Variants in TSC2 observed in about 807,000 individuals in gnomAD.
The protein encoded by TSC2 is tuberin.
Under a neutral mutation model 202.2 loss-of-function variants are expected in TSC2, and 29 were observed. The ratio of observed to expected loss-of-function variants is 0.14; its 90% CI spans 0.11 to 0.20. The LOEUF is 0.20. Among genes scored for constraint, TSC2 ranks in the 10% least tolerant of loss-of-function variants. TSC2 has a pLI of 1.00. For missense variants in TSC2, 2,429 were observed against 2,420.0 expected (o/e 1.00, Z -0.08); for synonymous variants, 1,349 against 1,044.0 (o/e 1.29, Z -5.63).
chr16:2,077,774 G>T, intron 26 of TSC2, 48 bp downstream of exon 26: 1 of 1,606,224 alleles, frequency 6.2e-7, no homozygotes, highest in East Asian at 2.2e-5. Flanking sequence ...GCTTGGCCCC[G>T]TGAGCACCTG....
chr16:2,077,681 C>T lies in TSC2; in HGVS notation c.2921C>T (p.Ala974Val), dbSNP rs1289330733. Reference protein sequence around the residue: ...KEFKESSAAEAFRCRSISVSE... With the variant: ...KEFKESSAAEVFRCRSISVSE... Reference sequence around the variant, plus strand: ...TTCAAGGAGAGCTCTGCAGCCGAGGCCTTCCGGTGCCGCAGCATCAGTGTG... The same window carrying T: ...TTCAAGGAGAGCTCTGCAGCCGAGGTCTTCCGGTGCCGCAGCATCAGTGTG... Residue 974 changes from alanine to valine, a missense_variant, in exon 26 of 42, where the codon GCC (alanine) becomes GTC (valine). Coordinates refer to ENST00000219476, the MANE Select transcript of TSC2 (RefSeq NM_000548.5). 6.2e-7 allele frequency: 1 copy of T among 1,613,088 alleles called. No individual in the cohort carries two copies. Among genetic ancestry groups the T allele is most frequent in the Non-Finnish European group, 8.5e-7 (1 of 1,180,032 alleles).
chr16:2,049,516 A>G (rs1183326279), intron 2 of TSC2, among the ~76,000 whole-genome samples: 1 of 152,146 alleles, frequency 6.6e-6, no homozygotes, highest in East Asian at 1.9e-4. Context: ...ACGTTCATCA[A>G]CTGATGAATA....
rs397514914 is a variant in TSC2, at chr16:2,071,534, C to G, written c.1864C>G (p.Arg622Gly). ...LQAFDFLLLL[R>G]ADSLHRLGLP... ...GGCCTTTGACTTCCTGTTGCTGCTGCGGGCCGACTCACTGCACCGCCTGGG... is the reference window on the plus strand; with the variant it reads ...GGCCTTTGACTTCCTGTTGCTGCTGGGGGCCGACTCACTGCACCGCCTGGG... The change falls in exon 18 of 42, where the codon CGG becomes GGG. Residue 622 changes from arginine to glycine, a missense_variant. By Grantham distance (125) the Arg-to-Gly change is moderately radical (BLOSUM62 -2). Coordinates refer to ENST00000219476, the MANE Select transcript of TSC2 (RefSeq NM_000548.5). 6.2e-7 allele frequency: 1 copy of G among 1,613,620 alleles called. No individual in the cohort carries two copies. The highest frequency in any genetic ancestry group is 8.5e-7 in the Non-Finnish European group (1 of 1,180,026).
chr16:2,074,136 G>A (rs185352475), intron 21 of TSC2, 64 bp from the exon 22 acceptor site: 26 of 1,601,160 alleles, frequency 1.6e-5, no homozygotes, highest in South Asian at 1.4e-4. Context: ...CGAGGTTGGC[G>A]AGGGGTAGGC....
intron 2 of TSC2, among the ~76,000 whole-genome samples, chr16:2,050,129 G>T (rs1245899806): frequency 6.6e-6 from 1 of 151,872 alleles, no homozygotes; most frequent in East Asian, 2.0e-4. Context: ...CAAATTTTTT[G>T]TATTTTTAGT....
Position 2,079,644 on chromosome 16 carries a change from C to T in TSC2, c.3372C>T (p.Ala1124=), listed in dbSNP as rs1555510963. ...CTGGGCAGCAGGTGTCCCGTGGGGC[C>T]CGGGATCGGGTCCGTTCCATGTCGG... is the stretch of plus-strand genomic sequence containing the variant. ...SQAGQQVSRG[A]RDRVRSMSGG... Residue 1124 remains alanine, a synonymous_variant, in exon 29 of 42, where the codon GCC becomes GCT. Coordinates refer to ENST00000219476, the MANE Select transcript of TSC2 (RefSeq NM_000548.5). The surrounding 1 kb of genome is among the most constrained non-coding windows in gnomAD (Gnocchi z 4.6). 2.5e-6 allele frequency: 4 copies of T among 1,604,468 alleles called. No individual in the cohort carries two copies. The highest frequency in any genetic ancestry group is 3.4e-6 in the Non-Finnish European group (4 of 1,176,490).
chr16:2,077,577 G>T (rs1424751459), intron 25 of TSC2, 21 bp from the exon 26 acceptor site: 23 of 1,612,348 alleles, frequency 1.4e-5, no homozygotes, highest in African/African-American at 2.7e-5. Flanking sequence ...GGGGCGTTGG[G>T]GCTCCTTCCT....
intron 31 of TSC2, 52 bp from the exon 32 acceptor site, chr16:2,082,384 G>A (rs967923924): frequency 6.9e-6 from 11 of 1,599,908 alleles, no homozygotes; most frequent in Non-Finnish European, 9.4e-6. Context: ...TGCTCGACCT[G>A]TGTGTAGCCC....
chr16:2,048,940 G>A (rs916884011), intron 2 of TSC2, among the ~76,000 whole-genome samples, 187 bp downstream of exon 2: 1 of 152,160 alleles, frequency 6.6e-6, no homozygotes, highest in African/African-American at 2.4e-5. Flanking sequence ...TTGGTGACCT[G>A]GTTCAGGCAC....
At position 2,048,065 on chromosome 16, in the gene TSC2, G is replaced by GGTA; in HGVS notation, c.-30+1_-30+3dup. ...CCCGGAGCGCGGTGGCGCGGCGCGGGGTAAGTGGCGGTCCCCACGGGGCAA... is the reference window on the plus strand; with the variant it reads ...CCCGGAGCGCGGTGGCGCGGCGCGGGGTAGTAAGTGGCGGTCCCCACGGGGCAA... On this transcript the variant is annotated splice_region_variant and 5_prime_UTR_variant. Transcript: ENST00000219476. 1 of 1,427,170 alleles carries GGTA rather than the reference G, an allele frequency of 7.0e-7. No individual in the cohort carries two copies. 88.4% of individuals were successfully genotyped at this position (1,427,170 alleles called of 1,614,324 possible). A position where few individuals can be genotyped will look rare whatever the true frequency, so the allele number is the denominator to read the frequency against.
intron 15 of TSC2, chr16:2,065,296 C>G (rs1438160098): frequency 5.6e-6 from 3 of 540,376 alleles, no homozygotes; most frequent in Middle Eastern, 5.4e-4. Context: ...GCCTGTAGTC[C>G]TAGCTACTGG....
intron 22 of TSC2, 133 bp from the exon 23 acceptor site, chr16:2,075,666 G>C (rs1323311982): frequency 8.6e-6 from 8 of 927,050 alleles, no homozygotes; most frequent in Non-Finnish European, 1.3e-5. Context: ...GGTCGGGAAA[G>C]CCACGTCCGT....
rs137854288 is a variant in TSC2, at chr16:2,088,570, G to A, written c.5384G>A (p.Arg1795His). Residue 1795 changes from arginine to histidine, a missense_variant, in exon 42 of 42, where the codon CGC becomes CAC. Physicochemically the swap from Arg to His is conservative, Grantham distance 29. Coordinates refer to ENST00000219476, the MANE Select transcript of TSC2 (RefSeq NM_000548.5). Reference protein sequence around the residue: ...TPGYEVGQRKRLISSVEDFTE... With the variant: ...TPGYEVGQRKHLISSVEDFTE... ...GGCTATGAGGTGGGCCAGCGGAAGCGCCTCATCTCCTCGGTGGAGGACTTC... is the reference window on the plus strand; with the variant it reads ...GGCTATGAGGTGGGCCAGCGGAAGCACCTCATCTCCTCGGTGGAGGACTTC... 197 of 1,609,776 alleles carry A rather than the reference G, an allele frequency of 1.2e-4. No individual in the cohort carries two copies. The highest frequency in any genetic ancestry group is 1.6e-4 in the Non-Finnish European group (187 of 1,179,922).
In TSC2 at chr16:2,062,537, C is replaced by G. The variant is rs397515187; in HGVS notation, c.1298C>G (p.Ser433Cys). 1.2e-6 allele frequency: 2 copies of G among 1,612,480 alleles called. No individual in the cohort carries two copies. The highest frequency in any genetic ancestry group is 1.3e-5 in the African/African-American group (1 of 74,934). Residue 433 changes from serine (S) to cysteine (C), a missense_variant, in exon 13 of 42, where the codon TCC becomes TGC. Physicochemically the swap from Ser to Cys is moderately radical, Grantham distance 112. Coordinates refer to ENST00000219476, the MANE Select transcript of TSC2 (RefSeq NM_000548.5). ...AACCTGATCTCCTATAGAGCGCAGT[C>G]CATCCACCCGGCCAAGGACGGCTGG... The part of the protein sequence containing the change: ...LLNLISYRAQ[S>C]IHPAKDGWIQ...
chr16:2,072,578 G>GC (rs1263241250), intron 20 of TSC2: 8 of 829,412 alleles, frequency 9.6e-6, no homozygotes, highest in African/African-American at 1.7e-5. Context: ...GAGGTCCCCA[G>GC]CCAAGGGCAT....
At chr16:2,074,842 C>G (rs1020880968) in intron 22 of TSC2, 7 of 270,400 alleles carry the variant, frequency 2.6e-5, no homozygotes, top group Non-Finnish European at 5.1e-5. Flanking sequence ...GGTGTAGAGG[C>G]TGGAGAGAAG....
chr16:2,080,930 G>GGT (rs2090068038), intron 30 of TSC2: 1 of 168,984 alleles, frequency 5.9e-6, no homozygotes, highest in Non-Finnish European at 1.3e-5. Context: ...CCGAGACCAA[G>GGT]GTGCTCCTCG....
chr16:2,051,980 G>A lies in TSC2; in HGVS notation c.226-1362G>A, dbSNP rs1025740710. On this transcript the variant is annotated intron_variant, in intron 3 of 41. Coordinates refer to ENST00000219476, the MANE Select transcript of TSC2 (RefSeq NM_000548.5). ...CTTGGGAGGCTGAGGGAGGAGAATC[G>A]CTTAAACTCAGGAGGCAGAGGTTGT... Among the ~76,000 whole-genome samples, 9 of 152,138 alleles carry A rather than the reference G, an allele frequency of 5.9e-5. No homozygotes were observed. In the East Asian group the frequency reaches 1.2e-3, roughly 20 times the overall value.
rs766770734 is a variant in TSC2, at chr16:2,056,749, C to T, written c.754C>T (p.Leu252Phe). 1 of 1,610,496 alleles carries T rather than the reference C, an allele frequency of 6.2e-7. No homozygotes were observed. Among genetic ancestry groups the T allele is most frequent in the Non-Finnish European group, 8.5e-7 (1 of 1,180,004 alleles). The change falls in exon 8 of 42, where the codon CTC becomes TTC. Residue 252 changes from leucine (L) to phenylalanine (F), a missense_variant. Transcript: ENST00000219476. ...CTGTCGCACCATCAACGTCAAGGAG[C>T]TCTGCGAGCCTTGCTGGAAGGTGGG... The part of the protein sequence containing the change: ...TLCRTINVKE[L>F]CEPCWKLMRN...
Sources: allele counts gnomAD v4.1 joint callset (sites outside exome capture counted in the v4.1 genomes callset), GRCh38; gene constraint gnomAD v4.1.1; non-coding constraint Gnocchi (gnomAD v3.1); transcripts MANE v1.5; gene names NCBI Gene and HGNC (gene_info 2026-07-23, HGNC 2026-07-21).